PSEN1: variants seen among roughly 807,000 people sequenced by gnomAD.
PSEN1 encodes the protein presenilin-1.
In PSEN1, 15 loss-of-function variants were observed where a neutral mutation model predicts 53.5. That is an observed-to-expected ratio of 0.28 (90% CI 0.19 to 0.43). The LOEUF (loss-of-function observed/expected upper bound fraction) is 0.43. PSEN1 is among the 20% of genes least tolerant of loss of function. The pLI is 1.00. For missense variants in PSEN1, 387 were observed against 571.2 expected (o/e 0.68, Z 3.29); for synonymous variants, 208 against 209.8 (o/e 0.99, Z 0.08).
chr14:73,174,099 T>C (rs1897975857), intron 5 of PSEN1: 1 of 253,390 alleles, frequency 3.9e-6, no homozygotes, highest in African/African-American at 2.2e-5. Flanking sequence ...GATTTAGTGA[T>C]AATTTATGTT....
chr14:73,197,438 G>T (rs1051041509), intron 7 of PSEN1, among the ~76,000 whole-genome samples: 5 of 152,050 alleles, frequency 3.3e-5, no homozygotes, highest in African/African-American at 1.2e-4. Context: ...ACTTTATCTC[G>T]CAAAGAGTTA....
At chr14:73,212,090 T>TTTC (rs1899720194) in intron 10 of PSEN1, 148 bp downstream of exon 10, 1 of 63,454 alleles carries the variant, frequency 1.6e-5, no homozygotes, top group Non-Finnish European at 2.5e-5. Flanking sequence ...TAATAGTGCT[T>TTTC]TTTTTTTTTT....
At chr14:73,161,286 T>C (rs1260464045) in intron 3 of PSEN1, among the ~76,000 whole-genome samples, 1 of 152,146 alleles carries the variant, frequency 6.6e-6, no homozygotes, top group East Asian at 1.9e-4. Context: ...GATTTGCAGA[T>C]ATTTTCTCCA....
chr14:73,181,441 A>G (rs12587333), intron 5 of PSEN1, among the ~76,000 whole-genome samples: 5,922 of 152,244 alleles, frequency 0.039, 317 homozygotes, highest in African/African-American at 0.11. Context: ...CCATCTCAAA[A>G]TCAATCAATC....
intron 7 of PSEN1, chr14:73,197,764 G>GT: frequency 2.2e-6 from 1 of 452,930 alleles, no homozygotes; most frequent in Non-Finnish European, 4.0e-6. Context: ...CTATACCCCA[G>GT]TAACGATACA....
chr14:73,188,947 T>C (rs1898616154), intron 6 of PSEN1, among the ~76,000 whole-genome samples: 1 of 152,038 alleles, frequency 6.6e-6, no homozygotes, highest in Non-Finnish European at 1.5e-5. Flanking sequence ...CCTGCCACTA[T>C]GCCCGGCTAA....
rs145949376 is a variant in PSEN1, at chr14:73,213,299, T to C, written c.1129+1357T>C. On this transcript the variant is annotated intron_variant, in intron 10 of 11. Coordinates refer to ENST00000324501, the MANE Select transcript of PSEN1 (RefSeq NM_000021.4). The stretch of plus-strand genomic sequence containing the variant: ...CCAGGAGCCAGAGGAAATAACATAA[T>C]AGTTGTTGACCAGAGCAGCAGCATA... 4.7e-3 allele frequency among the ~76,000 whole-genome samples: 709 copies of C among 152,266 alleles called. 11 individuals carry two copies. The highest frequency in any genetic ancestry group is 0.016 in the African/African-American group (677 of 41,532).
At chr14:73,147,766 A>G (rs201709970) in intron 1 of PSEN1, 29 bp from the exon 2 acceptor site, 23 of 506,092 alleles carry the variant, frequency 4.5e-5, no homozygotes, top group South Asian at 8.4e-5. Context: ...TTAACTAACA[A>G]TGGATGACCT....
At chr14:73,203,236 G>A (rs758232241) in intron 8 of PSEN1, among the ~76,000 whole-genome samples, 40 of 151,812 alleles carry the variant, frequency 2.6e-4, no homozygotes, top group Admixed American at 1.4e-3. Context: ...CTGCCACCAC[G>A]CCCAGCTAAT....
At position 73,192,905 on chromosome 14, in the gene PSEN1, C is replaced by T. The variant is rs748605328; in HGVS notation, c.769+41C>T. 4.8e-6 allele frequency: 7 copies of T among 1,456,230 alleles called. No individual in the cohort carries two copies. The Admixed American group carries it at 1.2e-4, about 24-fold the overall frequency. The allele number at this position is 1,456,230 out of a possible 1,614,324, so 90.2% of individuals were successfully genotyped here. On this transcript the variant is annotated intron_variant, in intron 7 of 11. Transcript: ENST00000324501. ...GATAATTTGTTTGTCACAGGAATGC[C>T]CCACTGGAGTGTTTTCTTTCCTCAT...
chr14:73,148,155 T>C (rs200022075), intron 3 of PSEN1, 49 bp downstream of exon 3: 55 of 1,371,472 alleles, frequency 4.0e-5, no homozygotes, highest in Non-Finnish European at 5.3e-5. Flanking sequence ...GATTCACTTA[T>C]CATCTCCCCT....
chr14:73,181,878 A>C (rs181081592), intron 5 of PSEN1, among the ~76,000 whole-genome samples: 1 of 152,098 alleles, frequency 6.6e-6, no homozygotes, highest in Non-Finnish European at 1.5e-5. Flanking sequence ...GGTTCAAGCA[A>C]TCCTCCCACC....
rs1595003291 is a variant in PSEN1 at position 73,173,995 on chromosome 14, A to T, written c.480+288A>T. 8 of 566,078 alleles carry T rather than the reference A, an allele frequency of 1.4e-5. No individual in the cohort carries two copies. The East Asian group carries it at 2.3e-4, about 16-fold the overall frequency. 35.1% of individuals were successfully genotyped at this position (566,078 alleles called of 1,614,324 possible). ...CAAGACCCTGCCTCTATTAAAGAAAACAAAAAACAAATATTGGAAGTATTT... is the reference window on the plus strand; with the variant it reads ...CAAGACCCTGCCTCTATTAAAGAAATCAAAAAACAAATATTGGAAGTATTT... On this transcript the variant is annotated intron_variant, in intron 5 of 11. Coordinates refer to ENST00000324501, the MANE Select transcript of PSEN1 (RefSeq NM_000021.4).
intron 8 of PSEN1, among the ~76,000 whole-genome samples, chr14:73,201,738 A>G (rs1899196776): frequency 6.6e-6 from 1 of 152,092 alleles, no homozygotes; most frequent in Non-Finnish European, 1.5e-5. Context: ...GGAAGGTTCC[A>G]TTTTATTTTA....
At chr14:73,174,534 C>G (rs1308767222) in intron 5 of PSEN1, among the ~76,000 whole-genome samples, 1 of 152,142 alleles carries the variant, frequency 6.6e-6, no homozygotes, top group African/African-American at 2.4e-5. Flanking sequence ...GCGCCCGGCC[C>G]TAAGTGGTTT....
Position 73,220,876 on chromosome 14 carries a change from C to T in PSEN1, c.*1587C>T, listed in dbSNP as rs1328684187. 1.3e-5 allele frequency: 2 copies of T among 152,144 alleles called. No individual in the cohort carries two copies. The highest frequency in any genetic ancestry group is 2.9e-5 in the Non-Finnish European group (2 of 68,038). 9.4% of individuals were successfully genotyped at this position (152,144 alleles called of 1,614,324 possible). On this transcript the variant is annotated 3_prime_UTR_variant, in exon 12 of 12. Transcript: ENST00000324501. ...TGGACAAAGGCTTGTGGGGCATAAC[C>T]TTCTTTACCACAGAGAGCCCTTAGC...
At chr14:73,217,867 C>T (rs1254771597) in intron 11 of PSEN1, among the ~76,000 whole-genome samples, 1 of 145,218 alleles carries the variant, frequency 6.9e-6, no homozygotes, top group Non-Finnish European at 1.5e-5. Flanking sequence ...CGGCTCATTG[C>T]AACCTCTGCC....
intron 8 of PSEN1, among the ~76,000 whole-genome samples, chr14:73,203,823 G>T (rs1211933912): frequency 6.6e-6 from 1 of 151,996 alleles, no homozygotes; most frequent in African/African-American, 2.4e-5. Flanking sequence ...AAAGCTTTTT[G>T]ATTTCATATC....
rs1025518339 is a variant in PSEN1, at chr14:73,222,625, T to C, written c.*3336T>C. The C allele has an allele frequency of 6.6e-6, 1 of 152,232 alleles. No homozygotes were observed. Among genetic ancestry groups the C allele is most frequent in the Non-Finnish European group, 1.5e-5 (1 of 68,032 alleles). The allele number at this position is 152,232 out of a possible 1,614,324, so 9.4% of individuals were successfully genotyped here. A position where few individuals can be genotyped will look rare whatever the true frequency, so the allele number is the denominator to read the frequency against. ...CTGTGTTCCCGTAGGTTCTGGAGTC[T>C]GAGGATGCAAAGATGAATAAGATAA... is the stretch of plus-strand genomic sequence containing the variant. On this transcript the variant is annotated 3_prime_UTR_variant, in exon 12 of 12. Transcript: ENST00000324501.
Sources: gnomAD v4.1 joint callset for allele counts (sites outside exome capture counted in the v4.1 genomes callset) on GRCh38, gnomAD v4.1.1 for gene constraint, MANE v1.5 for transcripts, NCBI Gene and HGNC (gene_info 2026-07-23, HGNC 2026-07-21) for gene names.